Variants in SLC44A5 observed in about 807,000 individuals in gnomAD.
SLC44A5 encodes the protein choline transporter-like protein 5.
A neutral mutation model predicts 101.8 loss-of-function variants in SLC44A5; 57 were observed. That is an observed-to-expected ratio of 0.56 (90% confidence interval 0.45 to 0.70). The LOEUF is 0.70. Among genes scored for constraint, SLC44A5 ranks in the 30% least tolerant of loss-of-function variants. The pLI is 0.00. For missense variants in SLC44A5, 737 were observed against 853.1 expected (o/e 0.86, Z 1.70); for synonymous variants, 281 against 290.9 (o/e 0.97, Z 0.35).
At chr1:75,631,592 G>A in the SLC44A5 span, among the ~76,000 whole-genome samples, 1 of 141,574 alleles carries the variant, frequency 7.1e-6, no homozygotes, top group Non-Finnish European at 1.5e-5. Flanking sequence ...TGTCACCCAG[G>A]CTGGAGTGCA....
At chr1:75,420,276 G>A (rs1663920883) in intron 2 of SLC44A5, among the ~76,000 whole-genome samples, 1 of 152,072 alleles carries the variant, frequency 6.6e-6, no homozygotes, top group Admixed American at 6.6e-5. Flanking sequence ...GTTAACAGCA[G>A]CCCAAGTGGA....
the SLC44A5 span, among the ~76,000 whole-genome samples, chr1:75,661,483 G>T: frequency 1.4e-5 from 2 of 146,074 alleles, no homozygotes; most frequent in Non-Finnish European, 3.0e-5. Context: ...AAAAGCACAG[G>T]CAACAAAAGC....
intron 3 of SLC44A5, among the ~76,000 whole-genome samples, chr1:75,391,254 A>T (rs1006673551): frequency 2.6e-5 from 4 of 152,202 alleles, no homozygotes; most frequent in Non-Finnish European, 5.9e-5. Context: ...GGAAGAATCA[A>T]TATTGTTTAA....
intron 2 of SLC44A5, among the ~76,000 whole-genome samples, chr1:75,407,689 A>G (rs1334939466): frequency 6.6e-6 from 1 of 152,206 alleles, no homozygotes; most frequent in African/African-American, 2.4e-5. Flanking sequence ...CCCCTTCTTT[A>G]TACCTTATAC....
chr1:75,371,083 C>A (rs1660191162), intron 3 of SLC44A5, among the ~76,000 whole-genome samples: 1 of 152,166 alleles, frequency 6.6e-6, no homozygotes, highest in Non-Finnish European at 1.5e-5. Context: ...AATAAAGGGG[C>A]TGGACTCCAG....
chr1:75,585,055 T>G (rs911581674), intron 1 of SLC44A5, among the ~76,000 whole-genome samples: 3 of 152,234 alleles, frequency 2.0e-5, no homozygotes, highest in African/African-American at 7.2e-5. Context: ...TCAGAAAGCC[T>G]GGTTCCACAC....
rs140295942 is a variant in SLC44A5, at chr1:75,250,573, C to T, written c.345+637G>A. On this transcript the variant is annotated intron_variant, in intron 7 of 23. Coordinates refer to ENST00000370859, the MANE Select transcript of SLC44A5 (RefSeq NM_001130058.2). ...TCTGTCTTTAGGTCTTTGAGGGATG[C>T]GACCACTTATAACCAGTTTGTGTCT... is the stretch of plus-strand genomic sequence containing the variant. 2.5e-3 allele frequency among the ~76,000 whole-genome samples: 387 copies of T among 152,118 alleles called. 1 individual carries two copies. Among genetic ancestry groups the T allele is most frequent in the Non-Finnish European group, 4.6e-3 (313 of 67,982 alleles).
chr1:75,513,155 A>G (rs979743270), intron 2 of SLC44A5, among the ~76,000 whole-genome samples: 5 of 152,220 alleles, frequency 3.3e-5, no homozygotes, highest in Non-Finnish European at 7.3e-5. Context: ...TTGAATCTCA[A>G]CTACACAGAC....
At chr1:75,255,695 G>T (rs1649960505) in intron 6 of SLC44A5, among the ~76,000 whole-genome samples, 1 of 152,012 alleles carries the variant, frequency 6.6e-6, no homozygotes, top group Non-Finnish European at 1.5e-5. Flanking sequence ...AGGACTCAAA[G>T]AAAGAATTAA....
chr1:75,599,892 CA>C, intron 1 of SLC44A5, among the ~76,000 whole-genome samples: 3 of 152,072 alleles, frequency 2.0e-5, no homozygotes, highest in Non-Finnish European at 4.4e-5. Context: ...TGGTTTGCTA[CA>C]GAATTTTGAT....
intron 12 of SLC44A5, among the ~76,000 whole-genome samples, chr1:75,230,447 C>T (rs1382193656): frequency 2.6e-5 from 4 of 151,746 alleles, no homozygotes; most frequent in Non-Finnish European, 5.9e-5. Context: ...GACGGGGTTT[C>T]ACCATGTTGG....
chr1:75,472,175 A>C (rs1341667188), intron 2 of SLC44A5, among the ~76,000 whole-genome samples: 1 of 151,970 alleles, frequency 6.6e-6, no homozygotes. Context: ...CCAAAGAAAA[A>C]TATGAGAATA....
chr1:75,580,710 C>T (rs375554455), intron 1 of SLC44A5, among the ~76,000 whole-genome samples: 2 of 151,934 alleles, frequency 1.3e-5, no homozygotes, highest in East Asian at 1.9e-4. Flanking sequence ...ATGGTGGCCA[C>T]ACCTGTAGTC....
chr1:75,415,882 A>G (rs975898362), intron 2 of SLC44A5, among the ~76,000 whole-genome samples: 8 of 152,206 alleles, frequency 5.3e-5, no homozygotes, highest in Admixed American at 5.2e-4. Context: ...TACCTGGTGG[A>G]AGAAATTTAT....
At chr1:75,614,103 CCTT>C (rs2102193076), upstream of SLC44A5, among the ~76,000 whole-genome samples, 1 of 152,338 alleles carries the variant, frequency 6.6e-6, no homozygotes, top group African/African-American at 2.4e-5. Flanking sequence ...GAAAACCAAT[CCTT>C]CTGTTTCACT....
intron 3 of SLC44A5, among the ~76,000 whole-genome samples, chr1:75,378,627 C>T (rs202043926): frequency 0.2 from 8,881 of 44,904 alleles, 109 homozygotes; most frequent in East Asian, 0.26. Context: ...GCTCAGTCAA[C>T]GCAAAATGTT....
At chr1:75,339,980 G>A (rs1570718254) in intron 3 of SLC44A5, among the ~76,000 whole-genome samples, 1 of 152,108 alleles carries the variant, frequency 6.6e-6, no homozygotes, top group African/African-American at 2.4e-5. Context: ...ATCACCAAGT[G>A]TTGCTGAGGA....
chr1:75,499,741 G>A (rs1400261993), intron 2 of SLC44A5, among the ~76,000 whole-genome samples: 1 of 152,040 alleles, frequency 6.6e-6, no homozygotes, highest in African/African-American at 2.4e-5. Flanking sequence ...ATCATTTCAT[G>A]TGAACACACT....
chr1:75,345,852 G>T (rs1194945487), intron 3 of SLC44A5, among the ~76,000 whole-genome samples: 2 of 152,116 alleles, frequency 1.3e-5, no homozygotes, highest in African/African-American at 2.4e-5. Context: ...TATATTTGAT[G>T]CAGAGGAAAT....
Sources: allele counts gnomAD v4.1 joint callset (sites outside exome capture counted in the v4.1 genomes callset), GRCh38; gene constraint gnomAD v4.1.1; transcripts MANE v1.5; gene names NCBI Gene and HGNC (gene_info 2026-07-23, HGNC 2026-07-21).